Variants in NEK11 observed in about 807,000 individuals in gnomAD.
NEK11 encodes the protein serine/threonine-protein kinase Nek11.
A neutral mutation model predicts 80.7 loss-of-function variants in NEK11; 72 were observed. The ratio of observed to expected loss-of-function variants is 0.89; its 90% CI spans 0.74 to 1.08. The LOEUF (loss-of-function observed/expected upper bound fraction) is 1.08. Ranked by LOEUF, NEK11 falls within the 50% of genes least tolerant of loss-of-function variation. NEK11 has a pLI of 0.00. For missense variants in NEK11, 764 were observed against 763.6 expected, an observed-to-expected ratio of 1.00 and a Z score of -0.01; for synonymous variants, 251 against 260.7, an observed-to-expected ratio of 0.96 and a Z score of 0.36.
intron 4 of NEK11, among the ~76,000 whole-genome samples, chr3:131,102,821 G>T (rs1452660654): frequency 6.6e-6 from 1 of 151,876 alleles, no homozygotes; most frequent in African/African-American, 2.4e-5. Context: ...CATAGATTTG[G>T]TCTCTTTATA....
chr3:131,271,520 C>T (rs577836269), intron 16 of NEK11, among the ~76,000 whole-genome samples: 10 of 152,254 alleles, frequency 6.6e-5, no homozygotes, highest in Middle Eastern at 3.4e-3. Flanking sequence ...TAGAGCCAGT[C>T]GGGGTGGCTC....
chr3:131,088,429 T>C (rs2076296883), intron 4 of NEK11, among the ~76,000 whole-genome samples: 1 of 152,212 alleles, frequency 6.6e-6, no homozygotes, highest in Non-Finnish European at 1.5e-5. Flanking sequence ...AAGACTAGTT[T>C]CATTGAAAAG....
chr3:131,205,397 T>C (rs200102587), intron 14 of NEK11, among the ~76,000 whole-genome samples: 1 of 152,074 alleles, frequency 6.6e-6, no homozygotes, highest in Non-Finnish European at 1.5e-5. Context: ...CACAAACAGG[T>C]AGAGCTGGAG....
Position 131,111,699 on chromosome 3 carries a change from G to T in NEK11, c.455+1778G>T, listed in dbSNP as rs571073309. 8.1e-4 allele frequency among the ~76,000 whole-genome samples: 123 copies of T among 151,978 alleles called. 1 individual carries two copies. Among genetic ancestry groups the T allele is most frequent in the Non-Finnish European group, 1.1e-3 (74 of 67,958 alleles). ...TTAGATTGGTGCAAAAGTAATTGTGGTTTTTGCCATTATTTTTAATGACAA... is the reference window on the plus strand; with the variant it reads ...TTAGATTGGTGCAAAAGTAATTGTGTTTTTTGCCATTATTTTTAATGACAA... On this transcript the variant is annotated intron_variant, in intron 5 of 17. Transcript: ENST00000383366.
intron 7 of NEK11, among the ~76,000 whole-genome samples, chr3:131,134,655 T>C (rs1156528509): frequency 6.6e-6 from 1 of 152,132 alleles, no homozygotes; most frequent in African/African-American, 2.4e-5. Flanking sequence ...TGCCTCAGCC[T>C]CCCAAAGTGC....
rs920655857 is a variant in NEK11, at chr3:131,350,042, C to T, written c.*266C>T. On this transcript the variant is annotated 3_prime_UTR_variant, in exon 18 of 18. Transcript: ENST00000383366. The stretch of plus-strand genomic sequence containing the variant: ...CCTTGAAAAGCATTTCTCTCATGTG[C>T]GCCCTCAGGGCTTCCAGCAGGATTG... The T allele has an allele frequency of 1.3e-5, 5 of 396,168 alleles. No homozygotes were observed. Among genetic ancestry groups the T allele is most frequent in the South Asian group, 8.3e-5 (3 of 36,128 alleles). The allele number at this position is 396,168 out of a possible 1,614,324, so 24.5% of individuals were successfully genotyped here. A position where few individuals can be genotyped will look rare whatever the true frequency, so the allele number is the denominator to read the frequency against.
intron 3 of NEK11, among the ~76,000 whole-genome samples, chr3:131,057,985 G>T (rs1377189244): frequency 3.3e-5 from 5 of 151,730 alleles, no homozygotes; most frequent in Admixed American, 6.6e-5. Context: ...CTGAATGGTA[G>T]TGCCTAGGTT....
At chr3:131,231,403 A>G (rs569066230) in intron 15 of NEK11, among the ~76,000 whole-genome samples, 17 of 148,474 alleles carry the variant, frequency 1.1e-4, no homozygotes, top group African/African-American at 3.9e-4. Context: ...TTTTGCTACT[A>G]TAGAATATAT....
chr3:131,192,205 A>G (rs967188435), intron 14 of NEK11, among the ~76,000 whole-genome samples: 1 of 152,184 alleles, frequency 6.6e-6, no homozygotes, highest in Non-Finnish European at 1.5e-5. Context: ...ATCACTAATC[A>G]CTAGGAAAAT....
rs145478944 is a variant in NEK11 at position 131,276,220 on chromosome 3, G to A, written c.1718+2646G>A. 1.1e-4 allele frequency among the ~76,000 whole-genome samples: 16 copies of A among 152,342 alleles called. No individual in the cohort carries two copies. The East Asian group carries it at 2.1e-3, about 20-fold the overall frequency. On this transcript the variant is annotated intron_variant, in intron 17 of 17. Transcript: ENST00000383366. ...TAAAATGGTCATATTAATTGCCACA[G>A]CTGGATTCCCAGGAAGCATACTCAG... is the stretch of plus-strand genomic sequence containing the variant.
chr3:131,297,631 G>T (rs1581574651), intron 17 of NEK11, among the ~76,000 whole-genome samples: 1 of 152,180 alleles, frequency 6.6e-6, no homozygotes, highest in East Asian at 1.9e-4. Context: ...CACTCTGATG[G>T]TAGTTTCTTT....
chr3:131,078,209 A>G (rs2074686188), intron 3 of NEK11, among the ~76,000 whole-genome samples: 1 of 152,216 alleles, frequency 6.6e-6, no homozygotes. Flanking sequence ...TAAAGTGAAT[A>G]AAATATTAAA....
At chr3:131,265,904 T>A (rs2096046113) in intron 16 of NEK11, among the ~76,000 whole-genome samples, 1 of 152,218 alleles carries the variant, frequency 6.6e-6, no homozygotes, top group Non-Finnish European at 1.5e-5. Context: ...GTGTTCTTGG[T>A]CTATTCAGGG....
At chr3:131,183,559 G>A (rs2093464727) in intron 14 of NEK11, among the ~76,000 whole-genome samples, 1 of 152,174 alleles carries the variant, frequency 6.6e-6, no homozygotes, top group African/African-American at 2.4e-5. Flanking sequence ...TCCTGTGTTA[G>A]TTTGCTGAGG....
chr3:131,223,556 G>T (rs1274586092), intron 14 of NEK11, among the ~76,000 whole-genome samples: 1 of 152,190 alleles, frequency 6.6e-6, no homozygotes, highest in East Asian at 1.9e-4. Context: ...GCCTATGTTT[G>T]TAAATAAAGT....
chr3:131,118,369 A>G (rs1011804160), intron 5 of NEK11, among the ~76,000 whole-genome samples: 2 of 152,106 alleles, frequency 1.3e-5, no homozygotes, highest in Non-Finnish European at 2.9e-5. Flanking sequence ...TGTTGGATTC[A>G]GTTTGCCAGT....
At chr3:131,299,392 A>G (rs763216766) in intron 17 of NEK11, among the ~76,000 whole-genome samples, 17 of 152,124 alleles carry the variant, frequency 1.1e-4, no homozygotes, top group Non-Finnish European at 2.2e-4. Flanking sequence ...GGGTTTTACC[A>G]TGATGTCCAG....
chr3:131,317,604 G>A (rs115790319), intron 17 of NEK11, among the ~76,000 whole-genome samples: 1,933 of 151,734 alleles, frequency 0.013, 39 homozygotes, highest in African/African-American at 0.044. Flanking sequence ...CATTAGAAAT[G>A]CAGAATCTGA....
At chr3:131,305,908 A>G (rs947691552) in intron 17 of NEK11, among the ~76,000 whole-genome samples, 1 of 152,016 alleles carries the variant, frequency 6.6e-6, no homozygotes, top group Non-Finnish European at 1.5e-5. Context: ...ATCTGCTTGG[A>G]GTGTCCCAGT....
Sources: allele counts gnomAD v4.1 joint callset (sites outside exome capture counted in the v4.1 genomes callset), GRCh38; gene constraint gnomAD v4.1.1; transcripts MANE v1.5; gene names NCBI Gene and HGNC (gene_info 2026-07-23, HGNC 2026-07-21).